The following CTNND2 variants were observed in gnomAD, a reference collection of about 807,000 sequenced individuals.
CTNND2 encodes catenin delta-2.
CTNND2 carries 22 observed loss-of-function variants against 144.4 expected under a neutral mutation model. The observed-to-expected ratio is 0.15, with a 90% CI of 0.11 to 0.22. The LOEUF (loss-of-function observed/expected upper bound fraction) is 0.22. CTNND2 is among the 10% of genes least tolerant of loss of function. CTNND2 has a pLI of 1.00. For synonymous variants in CTNND2, 751 were observed against 695.6 expected, an observed-to-expected ratio of 1.08 and a Z score of -1.25; for missense variants, 1,353 against 1,618.8, an observed-to-expected ratio of 0.84 and a Z score of 2.82.
intron 3 of CTNND2, among the ~76,000 whole-genome samples, chr5:11,483,614 T>A (rs967954498): frequency 1.3e-5 from 2 of 152,228 alleles, no homozygotes; most frequent in Non-Finnish European, 2.9e-5. Context: ...TTTTGCTTTA[T>A]TCCTATCCTA....
intron 2 of CTNND2, among the ~76,000 whole-genome samples, chr5:11,672,159 G>A (rs530516847): frequency 3.9e-5 from 6 of 152,264 alleles, no homozygotes; most frequent in Non-Finnish European, 5.9e-5. Flanking sequence ...TGGAAGCTTC[G>A]TCCCAGAGGG....
chr5:11,168,880 A>T lies in CTNND2; in HGVS notation c.1976-9121T>A, dbSNP rs185299268. Among the ~76,000 whole-genome samples, 630 of 152,036 alleles carry T rather than the reference A, an allele frequency of 4.1e-3. 2 individuals are homozygous for T. The highest frequency in any genetic ancestry group is 0.015 in the African/African-American group (603 of 41,478). ...GACAAAATACCCCCACTATCTGATTAAAAAAAAGTAAATGCAGGAGGTGAA... is the reference window on the plus strand; with the variant it reads ...GACAAAATACCCCCACTATCTGATTTAAAAAAAGTAAATGCAGGAGGTGAA... On this transcript the variant is annotated intron_variant, in intron 11 of 21. Transcript: ENST00000304623.
At chr5:11,705,689 G>A (rs2126679619) in intron 2 of CTNND2, among the ~76,000 whole-genome samples, 1 of 152,296 alleles carries the variant, frequency 6.6e-6, no homozygotes, top group Admixed American at 6.5e-5. Context: ...GTGGTATAAT[G>A]CTGTCAGACT....
At chr5:11,485,702 T>C (rs886621636) in intron 3 of CTNND2, among the ~76,000 whole-genome samples, 1 of 152,146 alleles carries the variant, frequency 6.6e-6, no homozygotes, top group Non-Finnish European at 1.5e-5. Context: ...TTGGAAAATA[T>C]AGGTCTCTGT....
intron 2 of CTNND2, among the ~76,000 whole-genome samples, chr5:11,659,667 G>A (rs151269173): frequency 2.0e-5 from 3 of 152,212 alleles, no homozygotes; most frequent in East Asian, 1.9e-4. Context: ...CATATGACAC[G>A]TTAAGGCCAA....
At chr5:11,123,452 C>T (rs951445097) in intron 12 of CTNND2, among the ~76,000 whole-genome samples, 2 of 152,188 alleles carry the variant, frequency 1.3e-5, no homozygotes, top group Non-Finnish European at 2.9e-5. Flanking sequence ...TAGAGGCAGC[C>T]AGGGCTGCTG....
chr5:11,279,194 C>T (rs1271089887), intron 9 of CTNND2, among the ~76,000 whole-genome samples: 1 of 152,112 alleles, frequency 6.6e-6, no homozygotes, highest in Non-Finnish European at 1.5e-5. Context: ...CAATCCAGAA[C>T]CGTCCCTGTC....
rs185274784 is a variant in CTNND2 at position 11,867,941 on chromosome 5, T to C, written c.37+35876A>G. 2.9e-3 allele frequency among the ~76,000 whole-genome samples: 432 copies of C among 150,780 alleles called. 2 individuals are homozygous for C. The highest frequency in any genetic ancestry group is 5.1e-3 in the Non-Finnish European group (342 of 67,722). ...TTATGATCTAAGGCACATCAGATTG[T>C]TTTTCCCAATTATCATGGAGCTAGT... On this transcript the variant is annotated intron_variant, in intron 1 of 21. Coordinates refer to ENST00000304623, the MANE Select transcript of CTNND2 (RefSeq NM_001332.4).
intron 1 of CTNND2, among the ~76,000 whole-genome samples, chr5:11,817,985 T>TG (rs1793087713): frequency 1.7e-4 from 8 of 47,192 alleles, no homozygotes; most frequent in East Asian, 1.5e-3. Flanking sequence ...TGAGGTGTTT[T>TG]TTTTTTTTTT....
At chr5:11,277,444 T>TTAG (rs1580776302) in intron 9 of CTNND2, among the ~76,000 whole-genome samples, 1 of 151,896 alleles carries the variant, frequency 6.6e-6, no homozygotes, top group East Asian at 1.9e-4. Flanking sequence ...ATGGCCAGTC[T>TTAG]TTAAGAGCTG....
chr5:10,988,019 A>G lies in CTNND2; in HGVS notation c.3343+92T>C. The G allele has an allele frequency of 1.9e-6, 3 of 1,542,120 alleles. No individual in the cohort carries two copies. The highest frequency in any genetic ancestry group is 1.4e-5 in the African/African-American group (1 of 73,550). On this transcript the variant is annotated intron_variant, in intron 20 of 21. Coordinates refer to ENST00000304623, the MANE Select transcript of CTNND2 (RefSeq NM_001332.4). The surrounding 1 kb of genome is among the most constrained non-coding windows in gnomAD (Gnocchi z 5.9). ...TAAGTCCTGCTCAGCAGCCAAGCGC[A>G]GCCAGCCCCGTGAAGCCTGATGTCC...
At chr5:11,552,714 G>A (rs981156298) in intron 3 of CTNND2, among the ~76,000 whole-genome samples, 7 of 152,098 alleles carry the variant, frequency 4.6e-5, no homozygotes, top group Non-Finnish European at 8.8e-5. Flanking sequence ...TTTTCCATCC[G>A]AATAATCTGA....
intron 2 of CTNND2, among the ~76,000 whole-genome samples, chr5:11,675,351 T>C (rs1314638716): frequency 1.3e-5 from 2 of 152,132 alleles, no homozygotes; most frequent in African/African-American, 2.4e-5. Context: ...CTGATCTCCA[T>C]GGAACCTGTG....
intron 2 of CTNND2, among the ~76,000 whole-genome samples, chr5:11,731,026 G>C (rs773172018): frequency 1.3e-5 from 2 of 152,130 alleles, no homozygotes; most frequent in Admixed American, 6.6e-5. Context: ...TCAAGAGTGA[G>C]CTTTGGAAAG....
chr5:11,305,127 C>A (rs1750057263), intron 9 of CTNND2, among the ~76,000 whole-genome samples: 1 of 152,222 alleles, frequency 6.6e-6, no homozygotes, highest in Non-Finnish European at 1.5e-5. Flanking sequence ...GTAGCTCTTA[C>A]TACACACAAA....
intron 1 of CTNND2, among the ~76,000 whole-genome samples, chr5:11,780,414 T>C (rs543023776): frequency 3.3e-5 from 5 of 152,266 alleles, no homozygotes; most frequent in Non-Finnish European, 5.9e-5. Flanking sequence ...TTCCCAGTGA[T>C]TGTCATGACC....
chr5:11,242,991 T>C (rs1742614786), intron 9 of CTNND2, among the ~76,000 whole-genome samples: 1 of 152,230 alleles, frequency 6.6e-6, no homozygotes, highest in Non-Finnish European at 1.5e-5. Context: ...TATTTTCTAG[T>C]AATTTTTACT....
At chr5:11,602,750 AATAG>A (rs1349560513) in intron 2 of CTNND2, among the ~76,000 whole-genome samples, 3 of 145,264 alleles carry the variant, frequency 2.1e-5, no homozygotes, top group Admixed American at 7.0e-5. Context: ...TATTATATAT[AATAG>A]ATATATTATT....
At chr5:11,890,863 G>A (rs1362960872) in intron 1 of CTNND2, among the ~76,000 whole-genome samples, 1 of 152,174 alleles carries the variant, frequency 6.6e-6, no homozygotes. Flanking sequence ...ATAAACCCAG[G>A]GACAGAGAGG....
Sources: gnomAD v4.1 joint callset for allele counts (sites outside exome capture counted in the v4.1 genomes callset) on GRCh38, gnomAD v4.1.1 for gene constraint, Gnocchi (gnomAD v3.1) non-coding constraint, MANE v1.5 for transcripts, NCBI Gene and HGNC (gene_info 2026-07-23, HGNC 2026-07-21) for gene names.